Variants in RBFOX1 observed in about 807,000 individuals in gnomAD.
RBFOX1 encodes the protein RNA binding fox-1 homolog 1.
RBFOX1 carries 8 observed loss-of-function variants against 57.7 expected under a neutral mutation model. The observed-to-expected ratio is 0.14, with a 90% confidence interval of 0.08 to 0.25. RBFOX1 has a LOEUF of 0.25. RBFOX1 is among the 10% of genes least tolerant of loss of function. The pLI is 1.00. For synonymous variants in RBFOX1, 326 were observed against 222.4 expected (o/e 1.47, Z -4.15); for missense variants, 611 against 548.5 (o/e 1.11, Z -1.14).
rs368563533 is a variant in RBFOX1 at position 5,887,157 on chromosome 16, G to C, written c.351+19822G>C. Among the ~76,000 whole-genome samples the C allele has an allele frequency of 3.9e-5, 6 of 152,244 alleles. No individual in the cohort carries two copies. In the East Asian group the frequency reaches 5.8e-4, roughly 15 times the overall value. ...AGGAGGTGAGGAGTAACTTGCTTTA[G>C]AGTCATAAATAATTGGAGTCCTAAG... On this transcript the variant is annotated intron_variant, in intron 4 of 19. Coordinates refer to the RBFOX1 transcript ENST00000641259.
chr16:5,441,981 C>T (rs1448080578), intron 1 of RBFOX1, among the ~76,000 whole-genome samples: 2 of 152,168 alleles, frequency 1.3e-5, no homozygotes, highest in South Asian at 4.1e-4. Context: ...CAAACCATAT[C>T]AATCAGTAAG....
intron 2 of RBFOX1, among the ~76,000 whole-genome samples, chr16:5,540,523 A>G (rs192587062): frequency 3.6e-4 from 55 of 152,326 alleles, no homozygotes; most frequent in African/African-American, 1.2e-3. Flanking sequence ...TCGAATTTGA[A>G]AGAGTTGGTT....
At chr16:7,534,746 G>A (rs1000332485) in intron 5 of RBFOX1, among the ~76,000 whole-genome samples, 3 of 150,732 alleles carry the variant, frequency 2.0e-5, no homozygotes, top group African/African-American at 7.4e-5. Context: ...CTATCCACTC[G>A]TAGCAGAAGA....
chr16:6,685,263 G>A (rs2059249957), intron 3 of RBFOX1, among the ~76,000 whole-genome samples: 1 of 144,368 alleles, frequency 6.9e-6, no homozygotes, highest in South Asian at 2.2e-4. Context: ...CTAAGAGAGG[G>A]AGAGTTTTTC....
At chr16:5,782,204 C>A (rs1027538785) in intron 3 of RBFOX1, among the ~76,000 whole-genome samples, 1 of 152,202 alleles carries the variant, frequency 6.6e-6, no homozygotes, top group Non-Finnish European at 1.5e-5. Flanking sequence ...AAGCAAGACT[C>A]AAGCACAGAA....
intron 2 of RBFOX1, among the ~76,000 whole-genome samples, chr16:6,600,775 C>G (rs1209159993): frequency 6.6e-6 from 1 of 152,022 alleles, no homozygotes; most frequent in Non-Finnish European, 1.5e-5. Context: ...AAGATTATAT[C>G]CTTTTATGTG....
chr16:6,841,530 C>T (rs937749116), intron 3 of RBFOX1, among the ~76,000 whole-genome samples: 4 of 152,124 alleles, frequency 2.6e-5, no homozygotes, highest in East Asian at 1.9e-4. Context: ...ACAACCTAAC[C>T]TCACGCTAAT....
intron 4 of RBFOX1, among the ~76,000 whole-genome samples, chr16:7,479,140 TAGG>T (rs2063357949): frequency 6.6e-6 from 1 of 151,800 alleles, no homozygotes; most frequent in African/African-American, 2.4e-5. Flanking sequence ...ATTTTAATTT[TAGG>T]GACAGGGTCT....
chr16:6,508,122 C>T (rs1025615677), intron 2 of RBFOX1, among the ~76,000 whole-genome samples: 5 of 152,086 alleles, frequency 3.3e-5, no homozygotes, highest in African/African-American at 1.2e-4. Flanking sequence ...AGCAGAAAAC[C>T]AAATACTGCA....
chr16:6,844,619 C>T (rs944500447), intron 3 of RBFOX1, among the ~76,000 whole-genome samples: 2 of 151,908 alleles, frequency 1.3e-5, no homozygotes, highest in African/African-American at 4.8e-5. Flanking sequence ...CTTGTCTTTG[C>T]TATCGTGAAT....
intron 2 of RBFOX1, among the ~76,000 whole-genome samples, chr16:6,615,247 A>C (rs2098125467): frequency 6.6e-6 from 1 of 152,228 alleles, no homozygotes; most frequent in African/African-American, 2.4e-5. Flanking sequence ...GTGGATTTAG[A>C]CTAGAATCTC....
intron 3 of RBFOX1, among the ~76,000 whole-genome samples, chr16:5,751,440 G>C (rs749762122): frequency 6.6e-6 from 1 of 152,186 alleles, no homozygotes; most frequent in South Asian, 2.1e-4. Flanking sequence ...ACCCAATAGA[G>C]AAGTTAATAC....
At chr16:7,209,467 A>C (rs1360868979) in intron 4 of RBFOX1, among the ~76,000 whole-genome samples, 1 of 152,268 alleles carries the variant, frequency 6.6e-6, no homozygotes, top group South Asian at 2.1e-4. Context: ...TTGGATAATA[A>C]CCTCAAGGCC....
At chr16:5,692,775 A>C (rs2050728310) in intron 3 of RBFOX1, among the ~76,000 whole-genome samples, 2 of 152,096 alleles carry the variant, frequency 1.3e-5, no homozygotes, top group Middle Eastern at 3.2e-3. Context: ...CAGCCCACCG[A>C]ACAAGAAAAC....
chr16:6,371,485 C>T (rs113800759), intron 2 of RBFOX1, among the ~76,000 whole-genome samples: 247 of 152,250 alleles, frequency 1.6e-3, no homozygotes, highest in African/African-American at 5.5e-3. Flanking sequence ...TATGTATTCA[C>T]TGGGAGCCCC....
At chr16:7,013,641 T>C (rs965104137) in intron 3 of RBFOX1, among the ~76,000 whole-genome samples, 28 of 152,162 alleles carry the variant, frequency 1.8e-4, no homozygotes, top group African/African-American at 5.1e-4. Context: ...GGAGGGAGGA[T>C]GCCATTAACA....
intron 4 of RBFOX1, among the ~76,000 whole-genome samples, chr16:7,075,978 C>T (rs1218655827): frequency 6.6e-6 from 1 of 152,020 alleles, no homozygotes; most frequent in Non-Finnish European, 1.5e-5. Context: ...CCTTGCACTT[C>T]CCTATTAGTC....
chr16:6,056,139 G>A (rs1253270098), intron 1 of RBFOX1, among the ~76,000 whole-genome samples: 1 of 152,100 alleles, frequency 6.6e-6, no homozygotes, highest in African/African-American at 2.4e-5. Flanking sequence ...GTCCATAGCT[G>A]CTTGTCATTT....
At chr16:6,978,274 G>T (rs1471608499) in intron 3 of RBFOX1, among the ~76,000 whole-genome samples, 1 of 152,174 alleles carries the variant, frequency 6.6e-6, no homozygotes, top group South Asian at 2.1e-4. Context: ...CTTGATAGAT[G>T]TTCTGAATGT....
Sources: allele counts gnomAD v4.1 joint callset (sites outside exome capture counted in the v4.1 genomes callset), GRCh38; gene constraint gnomAD v4.1.1; transcripts MANE v1.5; gene names NCBI Gene and HGNC (gene_info 2026-07-23, HGNC 2026-07-21).